NFIB: variants seen among roughly 807,000 people sequenced by gnomAD.
The protein encoded by NFIB is nuclear factor 1 B-type.
A neutral mutation model predicts 61.5 loss-of-function variants in NFIB; 11 were observed. The observed-to-expected ratio is 0.18, with a 90% CI of 0.11 to 0.30. The LOEUF (loss-of-function observed/expected upper bound fraction) is 0.30. Ranked by LOEUF, NFIB falls within the 10% of genes least tolerant of loss-of-function variation. NFIB has a pLI of 1.00. For missense variants in NFIB, 471 were observed against 608.9 expected (o/e 0.77, Z 2.38); for synonymous variants, 260 against 216.5 (o/e 1.20, Z -1.76).
chr9:14,162,069 T>C (rs1366311161), intron 3 of NFIB, among the ~76,000 whole-genome samples: 1 of 152,178 alleles, frequency 6.6e-6, no homozygotes, highest in African/African-American at 2.4e-5. Flanking sequence ...TATATGAGCA[T>C]ATTTCTTTCA....
At chr9:14,266,600 A>G (rs1362031444) in intron 2 of NFIB, among the ~76,000 whole-genome samples, 1 of 151,888 alleles carries the variant, frequency 6.6e-6, no homozygotes, top group African/African-American at 2.4e-5. Context: ...GTCTCAAAAA[A>G]AAAACAATAA....
In NFIB at chr9:14,164,741, G is replaced by T; in HGVS notation, c.617-8848C>A. 2.0e-5 allele frequency among the ~76,000 whole-genome samples: 3 copies of T among 152,224 alleles called. No homozygotes were observed. The South Asian group carries it at 6.2e-4, about 32-fold the overall frequency. On this transcript the variant is annotated intron_variant, in intron 3 of 10. Transcript: ENST00000380953. ...GAGAAGTGTAAAACCTGAGTGGACC[G>T]ATTATCCTAGTGTAGTGGTTGCCAA... is the stretch of plus-strand genomic sequence containing the variant.
At chr9:14,181,488 T>G in intron 2 of NFIB, among the ~76,000 whole-genome samples, 1 of 152,216 alleles carries the variant, frequency 6.6e-6, no homozygotes, top group East Asian at 1.9e-4. Flanking sequence ...CAAGATTCAG[T>G]GACTTATAAA....
chr9:14,266,745 C>T (rs1260586897), intron 2 of NFIB, among the ~76,000 whole-genome samples: 2 of 152,166 alleles, frequency 1.3e-5, no homozygotes, highest in African/African-American at 4.8e-5. Context: ...TTACCCTCTA[C>T]ATCTATCATC....
chr9:14,379,722 G>T (rs56310179), intron 1 of NFIB, among the ~76,000 whole-genome samples: 7,463 of 151,714 alleles, frequency 0.049, 234 homozygotes, highest in South Asian at 0.12. Context: ...TGCTCTTGTC[G>T]CCCAGGCTGG....
intron 1 of NFIB, among the ~76,000 whole-genome samples, chr9:14,345,181 C>G (rs943558296): frequency 6.6e-6 from 1 of 152,104 alleles, no homozygotes; most frequent in African/African-American, 2.4e-5. Flanking sequence ...GCTTTTTATT[C>G]ATTTGAGTAG....
chr9:14,135,080 A>G (rs1482517811), intron 6 of NFIB, among the ~76,000 whole-genome samples: 1 of 152,184 alleles, frequency 6.6e-6, no homozygotes, highest in Non-Finnish European at 1.5e-5. Context: ...GCTAGCATAT[A>G]TACAATGAAA....
the NFIB span, among the ~76,000 whole-genome samples, chr9:14,510,988 C>G: frequency 6.6e-6 from 1 of 152,108 alleles, no homozygotes; most frequent in Admixed American, 6.6e-5. Context: ...TTCCTTGTAA[C>G]CAAATTTGTG....
At chr9:14,414,230 G>C in the NFIB span, among the ~76,000 whole-genome samples, 1 of 151,984 alleles carries the variant, frequency 6.6e-6, no homozygotes. Flanking sequence ...AAGGTCAAGA[G>C]ATTGAGACCC....
intron 6 of NFIB, among the ~76,000 whole-genome samples, chr9:14,134,251 G>A (rs975121527): frequency 3.3e-5 from 5 of 152,166 alleles, no homozygotes; most frequent in Admixed American, 2.6e-4. Context: ...CACTGCTCTA[G>A]GGAATGTAAA....
intron 2 of NFIB, among the ~76,000 whole-genome samples, chr9:14,247,464 T>G (rs964284001): frequency 6.6e-6 from 1 of 152,110 alleles, no homozygotes; most frequent in African/African-American, 2.4e-5. Flanking sequence ...AAAGGACTAC[T>G]CCATTTCTCA....
intron 3 of NFIB, among the ~76,000 whole-genome samples, chr9:14,165,765 A>C (rs1411536904): frequency 1.3e-5 from 2 of 152,156 alleles, no homozygotes; most frequent in Admixed American, 1.3e-4. Flanking sequence ...AAAAAGACAA[A>C]TACTGTATAA....
the NFIB span, among the ~76,000 whole-genome samples, chr9:14,427,948 T>G: frequency 1.9e-5 from 2 of 104,034 alleles, no homozygotes; most frequent in African/African-American, 7.4e-5. Context: ...TTTTTTTTTT[T>G]TTTTTTTTTT....
intron 2 of NFIB, among the ~76,000 whole-genome samples, chr9:14,234,526 C>T (rs537028011): frequency 3.9e-5 from 6 of 151,928 alleles, no homozygotes; most frequent in Admixed American, 1.3e-4. Flanking sequence ...CGCACCACCA[C>T]GCCCAGCTAA....
chr9:14,227,480 T>C (rs1279897227), intron 2 of NFIB, among the ~76,000 whole-genome samples: 1 of 152,216 alleles, frequency 6.6e-6, no homozygotes, highest in East Asian at 1.9e-4. Context: ...CTCCATAGAC[T>C]TGAAATATAT....
intron 1 of NFIB, among the ~76,000 whole-genome samples, chr9:14,334,054 T>C (rs796141354): frequency 7.9e-5 from 12 of 152,368 alleles, no homozygotes; most frequent in African/African-American, 2.9e-4. Flanking sequence ...TTTTGTTTTG[T>C]TGTTTCCACA....
At chr9:14,473,947 A>G in the NFIB span, among the ~76,000 whole-genome samples, 1 of 152,204 alleles carries the variant, frequency 6.6e-6, no homozygotes, top group Non-Finnish European at 1.5e-5. Context: ...GCTTCAGTTC[A>G]CATAGAAGTC....
intron 6 of NFIB, among the ~76,000 whole-genome samples, chr9:14,145,786 G>C (rs566710710): frequency 6.6e-6 from 1 of 151,424 alleles, no homozygotes; most frequent in Admixed American, 6.6e-5. Flanking sequence ...GAGTAGCTGA[G>C]ACTACAGGCG....
At chr9:14,206,272 G>C (rs62532551) in intron 2 of NFIB, among the ~76,000 whole-genome samples, 4 of 150,988 alleles carry the variant, frequency 2.6e-5, no homozygotes, top group Non-Finnish European at 2.9e-5. Flanking sequence ...GCCTCCCAAG[G>C]TTCAAACAAT....
Sources: gnomAD v4.1 joint callset for allele counts (sites outside exome capture counted in the v4.1 genomes callset) on GRCh38, gnomAD v4.1.1 for gene constraint, MANE v1.5 for transcripts, NCBI Gene and HGNC (gene_info 2026-07-23, HGNC 2026-07-21) for gene names.